ARHGAP29: variants seen among roughly 807,000 people sequenced by gnomAD.
The protein encoded by ARHGAP29 is rho GTPase-activating protein 29.
ARHGAP29 carries 43 observed loss-of-function variants against 122.6 expected under a neutral mutation model. The ratio of observed to expected loss-of-function variants is 0.35; its 90% CI spans 0.27 to 0.45. The LOEUF is 0.45. Ranked by LOEUF, ARHGAP29 falls within the 20% of genes least tolerant of loss-of-function variation. The pLI, the probability that ARHGAP29 is intolerant of heterozygous loss-of-function variation, is 1.00. For missense variants in ARHGAP29, 1,303 were observed against 1,477.2 expected, an observed-to-expected ratio of 0.88 and a Z score of 1.93; for synonymous variants, 506 against 497.1, an observed-to-expected ratio of 1.02 and a Z score of -0.24.
At chr1:94,275,960 A>G (rs949454210), upstream of ARHGAP29, among the ~76,000 whole-genome samples, 78 of 151,430 alleles carry the variant, frequency 5.2e-4, no homozygotes, top group African/African-American at 1.8e-3. Context: ...TCAACCTTAA[A>G]AAAAAAAAGT....
chr1:94,198,410 G>T (rs1201411891), intron 12 of ARHGAP29, among the ~76,000 whole-genome samples: 3 of 152,112 alleles, frequency 2.0e-5, no homozygotes, highest in Non-Finnish European at 4.4e-5. Context: ...GGGTGAGGCT[G>T]CAGTGAGCTA....
the ARHGAP29 span, among the ~76,000 whole-genome samples, chr1:94,295,199 C>T: frequency 1.3e-5 from 2 of 152,164 alleles, no homozygotes; most frequent in Non-Finnish European, 2.9e-5. Context: ...CTACCTTCAT[C>T]AGCATCAGTT....
chr1:94,186,706 A>T (rs947198670), intron 15 of ARHGAP29, 109 bp from the exon 16 acceptor site: 1 of 828,804 alleles, frequency 1.2e-6, no homozygotes, highest in South Asian at 1.8e-5. Flanking sequence ...ATTAGCTTCA[A>T]TGTAAAAATT....
At chr1:94,290,891 A>C in the ARHGAP29 span, among the ~76,000 whole-genome samples, 13,778 of 152,244 alleles carry the variant, frequency 0.09, 675 homozygotes, top group South Asian at 0.13. Context: ...AGAAGAATGT[A>C]TATTCTGCTG....
intron 1 of ARHGAP29, among the ~76,000 whole-genome samples, chr1:94,234,220 G>C (rs1653111087): frequency 6.6e-6 from 1 of 152,196 alleles, no homozygotes; most frequent in African/African-American, 2.4e-5. Flanking sequence ...TGCTAACCAT[G>C]TGTTCTCTGA....
At chr1:94,203,803 T>C (rs1651017356) in intron 8 of ARHGAP29, 127 bp downstream of exon 8, 1 of 732,676 alleles carries the variant, frequency 1.4e-6, no homozygotes, top group African/African-American at 1.8e-5. Flanking sequence ...TAAAATAATT[T>C]TGTCAATAAA....
At chr1:94,239,992 G>T (rs949191251), upstream of ARHGAP29, among the ~76,000 whole-genome samples, 2 of 152,170 alleles carry the variant, frequency 1.3e-5, no homozygotes, top group African/African-American at 4.8e-5. Flanking sequence ...ACTCAAAACT[G>T]AAGGACATCA....
the ARHGAP29 span, among the ~76,000 whole-genome samples, chr1:94,306,986 A>C: frequency 6.6e-6 from 1 of 152,248 alleles, no homozygotes; most frequent in African/African-American, 2.4e-5. Context: ...AACAACAACA[A>C]AACAAAAAAG....
At chr1:94,256,688 A>G (rs1654366614) in intron 1 of ARHGAP29, among the ~76,000 whole-genome samples, 3 of 150,616 alleles carry the variant, frequency 2.0e-5, no homozygotes, top group African/African-American at 2.5e-5. Context: ...CCTCCCGAGT[A>G]GCTGGGACTA....
At chr1:94,190,936 T>A (rs1469708744) in intron 12 of ARHGAP29, 1 of 151,958 alleles carries the variant, frequency 6.6e-6, no homozygotes, top group African/African-American at 2.4e-5. Context: ...ATTTCCAACA[T>A]GGTAAATTAG....
intron 1 of ARHGAP29, among the ~76,000 whole-genome samples, chr1:94,234,901 G>C (rs986931618): frequency 2.6e-5 from 4 of 152,042 alleles, no homozygotes; most frequent in Admixed American, 1.3e-4. Flanking sequence ...AAAAATTAAA[G>C]ACATTAAAAC....
rs1437662321 is a variant in ARHGAP29 at position 94,184,885 on chromosome 1, G to A, written c.2096C>T (p.Ala699Val). 6.3e-7 allele frequency: 1 copy of A among 1,597,792 alleles called. No homozygotes were observed. Among genetic ancestry groups the A allele is most frequent in the Non-Finnish European group, 8.5e-7 (1 of 1,174,764 alleles). Residue 699 changes from alanine (A) to valine (V), a missense_variant, in exon 18 of 23, where the codon GCT becomes GTT. Ala to Val is a moderately conservative substitution (Grantham distance 64). Transcript: ENST00000260526. The part of the protein sequence containing the change: ...KICASEIENR[A>V]LCLQGIYRVC... ...GTTATAATGTACCTGTAGACACAAA[G>A]CTCTATTTTCAATCTCTGAGGCACA...
chr1:94,265,675 A>T (rs1654743401), intron 1 of ARHGAP29, among the ~76,000 whole-genome samples: 1 of 152,168 alleles, frequency 6.6e-6, no homozygotes. Flanking sequence ...AGGTGCTTTT[A>T]TCTAACAGTT....
In ARHGAP29 at chr1:94,171,900, T is replaced by C. The variant is rs1029616653; in HGVS notation, c.*1969A>G. On this transcript the variant is annotated 3_prime_UTR_variant, in exon 23 of 23. Coordinates refer to ENST00000260526, the MANE Select transcript of ARHGAP29 (RefSeq NM_004815.4). ...ATGATGATAATGTTCTGGAGATGAA[T>C]AGGTGCTCATGGTTGCAAAACAATG... 1.3e-5 allele frequency: 2 copies of C among 152,206 alleles called. No individual in the cohort carries two copies. The highest frequency in any genetic ancestry group is 4.8e-5 in the African/African-American group (2 of 41,452). The allele number at this position is 152,206 out of a possible 1,614,324, so 9.4% of individuals were successfully genotyped here.
At chr1:94,205,783 C>A in intron 5 of ARHGAP29, 100 bp from the exon 6 acceptor site, 1 of 1,003,704 alleles carries the variant, frequency 1.0e-6, no homozygotes. Flanking sequence ...ATAATTCCTG[C>A]TAAAGAATTT....
At chr1:94,291,039 T>C in the ARHGAP29 span, among the ~76,000 whole-genome samples, 1 of 152,208 alleles carries the variant, frequency 6.6e-6, no homozygotes, top group African/African-American at 2.4e-5. Context: ...CCCATTATTA[T>C]TGTGTGGAAG....
the ARHGAP29 span, chr1:94,302,827 CG>C: frequency 8.3e-6 from 2 of 242,284 alleles, no homozygotes. Flanking sequence ...AGGGGGCCAT[CG>C]GGGGCATCGT....
In ARHGAP29 at chr1:94,269,845, G is replaced by A. The variant is rs1163973093; in HGVS notation, c.-33+5167C>T. 4.0e-4 allele frequency among the ~76,000 whole-genome samples: 61 copies of A among 152,092 alleles called. 2 individuals carry two copies. Among genetic ancestry groups the A allele is most frequent in the Admixed American group, 4.0e-3 (61 of 15,256 alleles). The stretch of plus-strand genomic sequence containing the variant: ...TTGAATAAATAATAGGTAAGTGCAT[G>A]AGCTTATAAGTAGAGTCCTGGTTGA... On this transcript the variant is annotated intron_variant and NMD_transcript_variant, in intron 1 of 25. Transcript: ENST00000552844.
rs1337329256 is a variant in ARHGAP29, at chr1:94,172,588, G to A, written c.*1281C>T. 2 of 142,418 alleles carry A rather than the reference G, an allele frequency of 1.4e-5. No individual in the cohort carries two copies. Among genetic ancestry groups the A allele is most frequent in the Non-Finnish European group, 1.5e-5 (1 of 65,992 alleles). The allele number at this position is 142,418 out of a possible 1,614,324, so 8.8% of individuals were successfully genotyped here. ...GGCAACAACTGAAAAGAAGCCACGG[G>A]AACATGAAATAATTTAACAAGTTGA... On this transcript the variant is annotated 3_prime_UTR_variant, in exon 23 of 23. Coordinates refer to ENST00000260526, the MANE Select transcript of ARHGAP29 (RefSeq NM_004815.4).
Sources: gnomAD v4.1 joint callset for allele counts (sites outside exome capture counted in the v4.1 genomes callset) on GRCh38, gnomAD v4.1.1 for gene constraint, MANE v1.5 for transcripts, NCBI Gene and HGNC (gene_info 2026-07-23, HGNC 2026-07-21) for gene names.